The following PBX3 variants were observed in gnomAD, a reference collection of about 807,000 sequenced individuals.
PBX3 encodes the protein PBX homeobox 3.
A neutral mutation model predicts 48.5 loss-of-function variants in PBX3; 14 were observed. The ratio of observed to expected loss-of-function variants is 0.29; its 90% CI spans 0.19 to 0.45. The LOEUF (loss-of-function observed/expected upper bound fraction) is 0.45. Among genes scored for constraint, PBX3 ranks in the 20% least tolerant of loss-of-function variants. PBX3 has a pLI of 1.00. For missense variants in PBX3, 386 were observed against 546.7 expected, an observed-to-expected ratio of 0.71 and a Z score of 2.93; for synonymous variants, 210 against 200.3, an observed-to-expected ratio of 1.05 and a Z score of -0.41.
intron 5 of PBX3, among the ~76,000 whole-genome samples, chr9:125,940,138 C>T (rs967277811): frequency 2.0e-5 from 3 of 151,572 alleles, no homozygotes; most frequent in African/African-American, 7.3e-5. Flanking sequence ...GAGCCAAGAT[C>T]GTGCCATTGC....
intron 2 of PBX3, among the ~76,000 whole-genome samples, chr9:125,902,367 T>C (rs890344502): frequency 4.0e-5 from 6 of 151,718 alleles, no homozygotes; most frequent in African/African-American, 1.4e-4. Context: ...TTTGGGATCG[T>C]AGACAATGAC....
intron 2 of PBX3, among the ~76,000 whole-genome samples, chr9:125,840,101 T>C (rs1423318501): frequency 6.6e-6 from 1 of 152,142 alleles, no homozygotes; most frequent in Non-Finnish European, 1.5e-5. Context: ...CTGTCTTCTT[T>C]TTTTTAAATA....
chr9:125,751,122 TTAATC>T (rs1836363714), intron 2 of PBX3, among the ~76,000 whole-genome samples: 1 of 152,230 alleles, frequency 6.6e-6, no homozygotes, highest in African/African-American at 2.4e-5. Flanking sequence ...ATCATTTTAT[TTAATC>T]TAATAATACC....
intron 5 of PBX3, among the ~76,000 whole-genome samples, chr9:125,955,639 A>G (rs974333012): frequency 1.1e-4 from 17 of 152,148 alleles, no homozygotes; most frequent in African/African-American, 3.9e-4. Context: ...TAAAAGCACT[A>G]TGGAATTGAA....
At chr9:125,753,458 C>G (rs1249486587) in intron 2 of PBX3, among the ~76,000 whole-genome samples, 1 of 152,022 alleles carries the variant, frequency 6.6e-6, no homozygotes, top group East Asian at 1.9e-4. Context: ...ATCTCATTGC[C>G]AAGCTGGTTT....
At chr9:125,757,919 C>T (rs1404310561) in intron 2 of PBX3, among the ~76,000 whole-genome samples, 3 of 152,164 alleles carry the variant, frequency 2.0e-5, no homozygotes, top group African/African-American at 4.8e-5. Flanking sequence ...CAGTTTTTCT[C>T]ATCATATTTC....
At chr9:125,848,322 C>T (rs911217749) in intron 2 of PBX3, among the ~76,000 whole-genome samples, 3 of 151,946 alleles carry the variant, frequency 2.0e-5, no homozygotes, top group Admixed American at 1.3e-4. Flanking sequence ...TAATCTTGTT[C>T]TACATTATTT....
chr9:125,891,077 T>C (rs940928216), intron 2 of PBX3, among the ~76,000 whole-genome samples: 5 of 151,378 alleles, frequency 3.3e-5, no homozygotes, highest in Non-Finnish European at 7.3e-5. Flanking sequence ...TCTAGTACCT[T>C]TATCTTTTTC....
intron 2 of PBX3, among the ~76,000 whole-genome samples, chr9:125,780,685 G>A (rs1416918488): frequency 6.7e-4 from 83 of 123,694 alleles, no homozygotes; most frequent in Non-Finnish European, 7.9e-4. Flanking sequence ...CTGGCCGGGC[G>A]GGGGGCTGAC....
chr9:125,805,872 G>T (rs1003265949), intron 2 of PBX3, among the ~76,000 whole-genome samples: 3 of 152,138 alleles, frequency 2.0e-5, no homozygotes. Context: ...TCTGTGGTAT[G>T]CCAGGCACTA....
intron 2 of PBX3, among the ~76,000 whole-genome samples, chr9:125,777,005 C>G (rs1341912941): frequency 1.1e-5 from 1 of 91,112 alleles, no homozygotes; most frequent in Non-Finnish European, 2.2e-5. Flanking sequence ...CATGATTTTT[C>G]TTTTCTTTTC....
intron 2 of PBX3, among the ~76,000 whole-genome samples, chr9:125,860,098 C>T (rs1382295439): frequency 6.6e-6 from 1 of 152,226 alleles, no homozygotes; most frequent in African/African-American, 2.4e-5. Flanking sequence ...ATTTCTCATA[C>T]CATATTCATT....
At chr9:125,830,119 T>G (rs546150434) in intron 2 of PBX3, among the ~76,000 whole-genome samples, 1 of 152,228 alleles carries the variant, frequency 6.6e-6, no homozygotes, top group African/African-American at 2.4e-5. Context: ...GAGTTCAGTA[T>G]AATTTTTTAT....
chr9:125,825,873 G>A (rs1189141323), intron 2 of PBX3, among the ~76,000 whole-genome samples: 1 of 152,096 alleles, frequency 6.6e-6, no homozygotes, highest in African/African-American at 2.4e-5. Flanking sequence ...TTGTGATATC[G>A]CCAAGTTTAA....
At chr9:125,838,174 C>T (rs1839192342) in intron 2 of PBX3, among the ~76,000 whole-genome samples, 1 of 152,176 alleles carries the variant, frequency 6.6e-6, no homozygotes, top group South Asian at 2.1e-4. Context: ...CCTCAGACCC[C>T]TGTGTAGCTA....
chr9:125,962,025 A>C (rs888230), intron 6 of PBX3, 77 bp from the exon 7 acceptor site: 495,840 of 713,148 alleles, frequency 0.7, 175,741 homozygotes, highest in East Asian at 0.79. Context: ...ACTTTTTCTC[A>C]TCTCCCTGCC....
chr9:125,773,600 T>A (rs907722947), intron 2 of PBX3, among the ~76,000 whole-genome samples: 1 of 152,198 alleles, frequency 6.6e-6, no homozygotes, highest in Admixed American at 6.5e-5. Context: ...TTTTTTAAAA[T>A]GAATTGAATG....
intron 2 of PBX3, among the ~76,000 whole-genome samples, chr9:125,852,908 A>G (rs962214688): frequency 1.3e-5 from 2 of 152,214 alleles, no homozygotes; most frequent in Non-Finnish European, 2.9e-5. Flanking sequence ...TTAGCATACA[A>G]TACTAAGTAG....
chr9:125,803,720 A>G (rs1036583388), intron 2 of PBX3, among the ~76,000 whole-genome samples: 1 of 152,228 alleles, frequency 6.6e-6, no homozygotes, highest in African/African-American at 2.4e-5. Context: ...TAGTCATACT[A>G]ACTTTGATGA....
Sources: allele counts gnomAD v4.1 joint callset (sites outside exome capture counted in the v4.1 genomes callset), GRCh38; gene constraint gnomAD v4.1.1; transcripts MANE v1.5; gene names NCBI Gene and HGNC (gene_info 2026-07-23, HGNC 2026-07-21).